RBFOX1: variants seen among roughly 807,000 people sequenced by gnomAD.
The protein encoded by RBFOX1 is RNA binding fox-1 homolog 1, also known as RNA binding protein fox-1 homolog 1.
A neutral mutation model predicts 57.7 loss-of-function variants in RBFOX1; 8 were observed. That is an observed-to-expected ratio of 0.14 (90% CI 0.08 to 0.25). The LOEUF (loss-of-function observed/expected upper bound fraction) is 0.25, where lower values mean the gene tolerates loss of function less well. Ranked by LOEUF, RBFOX1 falls within the 10% of genes least tolerant of loss-of-function variation. The pLI, the probability that RBFOX1 is intolerant of heterozygous loss-of-function variation, is 1.00. For missense variants in RBFOX1, 611 were observed against 548.5 expected, an observed-to-expected ratio of 1.11 and a Z score of -1.14; for synonymous variants, 326 against 222.4, an observed-to-expected ratio of 1.47 and a Z score of -4.15.
intron 3 of RBFOX1, among the ~76,000 whole-genome samples, chr16:6,796,815 T>A (rs1045916539): frequency 6.6e-6 from 1 of 152,202 alleles, no homozygotes. Flanking sequence ...ATATCTACAT[T>A]GTTTCTTTGA....
intron 2 of RBFOX1, among the ~76,000 whole-genome samples, chr16:6,427,092 A>C (rs1381014649): frequency 6.6e-6 from 1 of 152,232 alleles, no homozygotes; most frequent in Non-Finnish European, 1.5e-5. Flanking sequence ...GATATGCTGT[A>C]GAGTGACACA....
intron 1 of RBFOX1, among the ~76,000 whole-genome samples, chr16:5,257,952 C>T (rs989583269): frequency 6.6e-6 from 1 of 152,166 alleles, no homozygotes; most frequent in Non-Finnish European, 1.5e-5. Context: ...GACCTTGGCT[C>T]ACTGCAGCCT....
chr16:7,134,507 C>G (rs1037495899), intron 4 of RBFOX1, among the ~76,000 whole-genome samples: 2 of 152,038 alleles, frequency 1.3e-5, no homozygotes, highest in Non-Finnish European at 2.9e-5. Flanking sequence ...CTGTTTCAGC[C>G]CAGAGTTTTG....
chr16:5,778,037 A>G (rs929309325), intron 3 of RBFOX1, among the ~76,000 whole-genome samples: 1 of 152,196 alleles, frequency 6.6e-6, no homozygotes, highest in African/African-American at 2.4e-5. Context: ...CCCTAGGGCC[A>G]GTGCAGTGGT....
chr16:5,845,495 G>A (rs543765248), intron 3 of RBFOX1, among the ~76,000 whole-genome samples: 1 of 152,296 alleles, frequency 6.6e-6, no homozygotes, highest in African/African-American at 2.4e-5. Flanking sequence ...TGCTTCTGGA[G>A]ATGTGAGCAG....
chr16:6,338,658 A>C (rs758438314), intron 2 of RBFOX1, among the ~76,000 whole-genome samples: 3 of 152,222 alleles, frequency 2.0e-5, no homozygotes, highest in African/African-American at 4.8e-5. Flanking sequence ...CTACCTGGTT[A>C]TGTAATTCCA....
chr16:5,727,982 C>G (rs779748430), intron 3 of RBFOX1, among the ~76,000 whole-genome samples: 1 of 152,186 alleles, frequency 6.6e-6, no homozygotes, highest in East Asian at 1.9e-4. Flanking sequence ...CTACCATGCC[C>G]GGCCTCCTCT....
chr16:6,806,927 G>T (rs1386680788), intron 3 of RBFOX1, among the ~76,000 whole-genome samples: 1 of 148,334 alleles, frequency 6.7e-6, no homozygotes, highest in African/African-American at 2.5e-5. Flanking sequence ...TCCACCTCCT[G>T]GGTTCAAGTG....
intron 11 of RBFOX1, among the ~76,000 whole-genome samples, chr16:7,639,513 A>G (rs2062393021): frequency 6.6e-6 from 1 of 152,200 alleles, no homozygotes; most frequent in Admixed American, 6.5e-5. Flanking sequence ...GCCAGGTGCA[A>G]TTCTACATCC....
intron 3 of RBFOX1, among the ~76,000 whole-genome samples, chr16:5,761,322 C>G (rs186348278): frequency 1.3e-5 from 2 of 152,182 alleles, no homozygotes; most frequent in Non-Finnish European, 2.9e-5. Flanking sequence ...TTTCTAGCCA[C>G]TCAGCTGCAA....
chr16:6,959,279 G>A (rs1054723659), intron 3 of RBFOX1, among the ~76,000 whole-genome samples: 2 of 152,162 alleles, frequency 1.3e-5, no homozygotes, highest in African/African-American at 4.8e-5. Context: ...TTTATGTGGA[G>A]GGAGCCAGTA....
At chr16:7,681,512 TAGAC>T (rs1306819996) in intron 14 of RBFOX1, among the ~76,000 whole-genome samples, 3 of 152,104 alleles carry the variant, frequency 2.0e-5, no homozygotes, top group Admixed American at 6.6e-5. Flanking sequence ...GTCATGAAAA[TAGAC>T]AGGCAAATAA....
At chr16:6,580,020 G>T (rs1176809282) in intron 2 of RBFOX1, among the ~76,000 whole-genome samples, 1 of 152,026 alleles carries the variant, frequency 6.6e-6, no homozygotes, top group Admixed American at 6.6e-5. Context: ...GTGCAGCGGT[G>T]TGATCTCAGA....
intron 13 of RBFOX1, among the ~76,000 whole-genome samples, chr16:7,675,251 C>G (rs1404108826): frequency 2.0e-5 from 3 of 152,148 alleles, no homozygotes; most frequent in African/African-American, 7.2e-5. Flanking sequence ...CTCTGTTGAA[C>G]TCAGTGCTGT....
intron 3 of RBFOX1, among the ~76,000 whole-genome samples, chr16:6,908,473 C>G (rs181720364): frequency 1.3e-4 from 20 of 152,306 alleles, no homozygotes. Flanking sequence ...TTCTCCCCAG[C>G]ATGCCCAATC....
intron 1 of RBFOX1, among the ~76,000 whole-genome samples, chr16:6,267,429 C>A (rs2074654401): frequency 6.6e-6 from 1 of 152,096 alleles, no homozygotes; most frequent in Non-Finnish European, 1.5e-5. Context: ...TGAGGGGTGT[C>A]CCCTTGGCTT....
intron 1 of RBFOX1, among the ~76,000 whole-genome samples, chr16:6,062,247 T>A (rs1334944527): frequency 6.6e-6 from 1 of 151,918 alleles, no homozygotes; most frequent in Non-Finnish European, 1.5e-5. Context: ...TAAATAGGTT[T>A]GATTGATTCC....
At chr16:7,552,560 CA>C (rs1948068422) in intron 5 of RBFOX1, among the ~76,000 whole-genome samples, 4 of 152,160 alleles carry the variant, frequency 2.6e-5, no homozygotes, top group Admixed American at 2.6e-4. Context: ...AACCTCAACT[CA>C]ATTCTTAATA....
At chr16:5,569,937 A>G (rs2046221115) in intron 2 of RBFOX1, among the ~76,000 whole-genome samples, 2 of 152,250 alleles carry the variant, frequency 1.3e-5, no homozygotes, top group Admixed American at 1.3e-4. Flanking sequence ...CAGATATCAT[A>G]AAGATTAAAA....
Sources: gnomAD v4.1 joint callset for allele counts (sites outside exome capture counted in the v4.1 genomes callset) on GRCh38, gnomAD v4.1.1 for gene constraint, MANE v1.5 for transcripts, NCBI Gene and HGNC (gene_info 2026-07-23, HGNC 2026-07-21) for gene names.